PARD3: variants seen among roughly 807,000 people sequenced by gnomAD.
PARD3 encodes par-3 family cell polarity regulator.
Under a neutral mutation model 155.4 loss-of-function variants are expected in PARD3, and 75 were observed. The observed-to-expected ratio is 0.48, with a 90% CI of 0.40 to 0.58. The LOEUF (loss-of-function observed/expected upper bound fraction) is 0.58, where lower values mean the gene tolerates loss of function less well. PARD3 is among the 20% of genes least tolerant of loss of function. The pLI is 0.00. For missense variants in PARD3, 1,642 were observed against 1,721.7 expected (o/e 0.95, Z 0.82); for synonymous variants, 576 against 610.5 (o/e 0.94, Z 0.83).
At chr10:34,236,653 C>T (rs1342412403) in intron 22 of PARD3, among the ~76,000 whole-genome samples, 1 of 152,170 alleles carries the variant, frequency 6.6e-6, no homozygotes, top group African/African-American at 2.4e-5. Context: ...GACCTAGACC[C>T]ATGCTAGTAC....
chr10:34,212,881 A>G (rs7070564), intron 22 of PARD3, among the ~76,000 whole-genome samples: 29,682 of 152,130 alleles, frequency 0.2, 3,145 homozygotes, highest in Middle Eastern at 0.31. Flanking sequence ...ACCAAACCTC[A>G]GGCTCAGAGG....
intron 22 of PARD3, among the ~76,000 whole-genome samples, chr10:34,226,874 TAAAG>T (rs1332602755): frequency 6.6e-6 from 1 of 151,892 alleles, no homozygotes; most frequent in East Asian, 1.9e-4. Flanking sequence ...TGAAGCAAAA[TAAAG>T]GAAGGAACTA....
intron 7 of PARD3, among the ~76,000 whole-genome samples, chr10:34,393,634 T>A (rs2132111502): frequency 6.6e-6 from 1 of 151,470 alleles, no homozygotes; most frequent in Admixed American, 6.6e-5. Flanking sequence ...CTCACACCTG[T>A]AATCCCAGCA....
intron 5 of PARD3, among the ~76,000 whole-genome samples, chr10:34,434,883 T>A (rs982485105): frequency 6.6e-6 from 1 of 152,158 alleles, no homozygotes; most frequent in African/African-American, 2.4e-5. Context: ...ACTATCACAT[T>A]CACACACCAG....
intron 20 of PARD3, among the ~76,000 whole-genome samples, chr10:34,305,766 C>A (rs977883636): frequency 6.6e-6 from 1 of 152,070 alleles, no homozygotes; most frequent in African/African-American, 2.4e-5. Context: ...TCACTTGAGG[C>A]CAAGAGTTTG....
At chr10:34,367,596 C>A (rs1589324326) in intron 12 of PARD3, among the ~76,000 whole-genome samples, 1 of 152,034 alleles carries the variant, frequency 6.6e-6, no homozygotes, top group South Asian at 2.1e-4. Flanking sequence ...CCCAGCTACT[C>A]GGGAGGCTAA....
chr10:34,659,750 C>G (rs2093274667), intron 2 of PARD3, among the ~76,000 whole-genome samples: 1 of 152,168 alleles, frequency 6.6e-6, no homozygotes, highest in Admixed American at 6.5e-5. Context: ...CTAATTCATA[C>G]CACCTGACTC....
intron 2 of PARD3, among the ~76,000 whole-genome samples, chr10:34,564,740 A>G (rs1159154227): frequency 1.3e-5 from 2 of 152,250 alleles, no homozygotes; most frequent in Non-Finnish European, 2.9e-5. Flanking sequence ...TGTTACTTGC[A>G]TACAAGTTGA....
intron 7 of PARD3, among the ~76,000 whole-genome samples, chr10:34,386,011 T>G (rs1842312421): frequency 6.6e-6 from 1 of 152,224 alleles, no homozygotes; most frequent in Admixed American, 6.5e-5. Context: ...AAAGATATGA[T>G]GAAACTGAAA....
intron 2 of PARD3, among the ~76,000 whole-genome samples, chr10:34,541,744 A>G (rs545143160): frequency 1.3e-5 from 2 of 152,324 alleles, no homozygotes; most frequent in East Asian, 3.9e-4. Flanking sequence ...AATTAAGCCA[A>G]TATTATATGT....
At chr10:34,298,181 T>G (rs1023902288) in intron 20 of PARD3, among the ~76,000 whole-genome samples, 9 of 152,228 alleles carry the variant, frequency 5.9e-5, no homozygotes, top group African/African-American at 1.9e-4. Flanking sequence ...TTATTATCAT[T>G]GTTATCCTTA....
intron 2 of PARD3, among the ~76,000 whole-genome samples, chr10:34,678,847 G>A (rs770212292): frequency 6.6e-6 from 1 of 151,918 alleles, no homozygotes; most frequent in South Asian, 2.1e-4. Flanking sequence ...TTTTAAGGAA[G>A]TTTCTGTACC....
chr10:34,254,537 CGTGTGTGTGTGT>C (rs55901749), intron 22 of PARD3, among the ~76,000 whole-genome samples: 5,985 of 145,462 alleles, frequency 0.041, 344 homozygotes, highest in African/African-American at 0.13. Flanking sequence ...GGTAGGTAAA[CGTGTGTGTGTGT>C]GTGTGTGTGT....
In PARD3 at chr10:34,653,038, C is replaced by A. The variant is rs374106637; in HGVS notation, c.222+43280G>T. On this transcript the variant is annotated intron_variant, in intron 2 of 24. Transcript: ENST00000374788. ...GACTCGCAAAAAACAACAACAACAA[C>A]AAAAAAACACACATGCTTAAGAGAA... is the stretch of plus-strand genomic sequence containing the variant. Among the ~76,000 whole-genome samples, 33 of 151,990 alleles carry A rather than the reference C, an allele frequency of 2.2e-4. 1 individual carries two copies. The highest frequency in any genetic ancestry group is 6.2e-4 in the South Asian group (3 of 4,802).
chr10:34,122,148 A>AT (rs1947040801), intron 23 of PARD3, among the ~76,000 whole-genome samples: 1 of 152,228 alleles, frequency 6.6e-6, no homozygotes, highest in African/African-American at 2.4e-5. Flanking sequence ...AGTGTAAACT[A>AT]TATGCATGTG....
chr10:34,399,666 A>T (rs1291695659), intron 6 of PARD3, among the ~76,000 whole-genome samples: 1 of 152,188 alleles, frequency 6.6e-6, no homozygotes, highest in Non-Finnish European at 1.5e-5. Context: ...ATCATCAGAG[A>T]TAACTACATT....
intron 2 of PARD3, among the ~76,000 whole-genome samples, chr10:34,665,439 G>C (rs1459202075): frequency 6.6e-6 from 1 of 152,106 alleles, no homozygotes; most frequent in Non-Finnish European, 1.5e-5. Context: ...AGAATCACTT[G>C]AACCTGGGAG....
chr10:34,548,367 TA>T (rs2084274482), intron 2 of PARD3, among the ~76,000 whole-genome samples: 1 of 151,786 alleles, frequency 6.6e-6, no homozygotes, highest in Non-Finnish European at 1.5e-5. Flanking sequence ...GGCATGGTGG[TA>T]CATGACTGTA....
chr10:34,145,221 A>ATTTTTTTTTTTT (rs57442429), intron 22 of PARD3, among the ~76,000 whole-genome samples: 4 of 33,966 alleles, frequency 1.2e-4, no homozygotes, highest in African/African-American at 5.4e-4. Context: ...ATATATATAT[A>ATTTTTTTTTTTT]TTTTTTTTTT....
Sources: allele counts gnomAD v4.1 joint callset (sites outside exome capture counted in the v4.1 genomes callset), GRCh38; gene constraint gnomAD v4.1.1; transcripts MANE v1.5; gene names NCBI Gene and HGNC (gene_info 2026-07-23, HGNC 2026-07-21).